The following C8orf34 variants were observed in gnomAD, a reference collection of about 807,000 sequenced individuals.
The protein encoded by C8orf34 is chromosome 8 open reading frame 34, also known as uncharacterized protein C8orf34.
Under a neutral mutation model 68.3 loss-of-function variants are expected in C8orf34, and 65 were observed. The ratio of observed to expected loss-of-function variants is 0.95; its 90% CI spans 0.78 to 1.17. C8orf34 has a LOEUF of 1.17. Ranked by LOEUF, C8orf34 falls within the 50% of genes most tolerant of loss-of-function variation. The pLI is 0.00. For synonymous variants in C8orf34, 244 were observed against 241.2 expected (o/e 1.01, Z -0.11); for missense variants, 664 against 655.4 (o/e 1.01, Z -0.14).
intron 1 of C8orf34, among the ~76,000 whole-genome samples, chr8:68,398,157 T>C (rs1044225922): frequency 2.0e-5 from 3 of 152,150 alleles, no homozygotes; most frequent in Non-Finnish European, 4.4e-5. Flanking sequence ...AAAATATACA[T>C]AACACAAGTA....
At chr8:68,767,857 G>A (rs532216573) in intron 10 of C8orf34, among the ~76,000 whole-genome samples, 2 of 152,312 alleles carry the variant, frequency 1.3e-5, no homozygotes, top group East Asian at 3.9e-4. Context: ...TTAGCAGCCA[G>A]TGATACTAAA....
chr8:68,398,777 T>C (rs769640682), intron 1 of C8orf34, among the ~76,000 whole-genome samples: 2 of 152,210 alleles, frequency 1.3e-5, no homozygotes, highest in Non-Finnish European at 2.9e-5. Flanking sequence ...ATATTCATGC[T>C]ATATTTGGAT....
intron 11 of C8orf34, among the ~76,000 whole-genome samples, chr8:68,779,248 G>A (rs892301361): frequency 1.3e-5 from 2 of 150,776 alleles, no homozygotes; most frequent in Non-Finnish European, 3.0e-5. Flanking sequence ...ACGAATAACT[G>A]GGAAGCAGCG....
chr8:68,657,038 T>C (rs1819528987), intron 8 of C8orf34, among the ~76,000 whole-genome samples: 1 of 152,204 alleles, frequency 6.6e-6, no homozygotes, highest in Admixed American at 6.5e-5. Context: ...CCCTGAACCC[T>C]AGGTAAATTG....
At chr8:68,656,119 T>C (rs1034801048) in intron 8 of C8orf34, among the ~76,000 whole-genome samples, 3 of 152,146 alleles carry the variant, frequency 2.0e-5, no homozygotes, top group Non-Finnish European at 4.4e-5. Context: ...CTACCAGAAA[T>C]CAGGTATTGC....
intron 10 of C8orf34, among the ~76,000 whole-genome samples, chr8:68,730,514 T>G (rs1436569809): frequency 6.6e-6 from 1 of 152,162 alleles, no homozygotes; most frequent in Non-Finnish European, 1.5e-5. Flanking sequence ...TGAAAATATT[T>G]GCCCAGACCT....
chr8:68,552,082 A>T (rs1816092726), intron 7 of C8orf34, among the ~76,000 whole-genome samples: 2 of 152,132 alleles, frequency 1.3e-5, no homozygotes, highest in South Asian at 4.1e-4. Flanking sequence ...TATTCCAGTG[A>T]CGTACATGTC....
chr8:68,423,177 C>T (rs1413389168), intron 1 of C8orf34, among the ~76,000 whole-genome samples: 1 of 152,114 alleles, frequency 6.6e-6, no homozygotes, highest in Non-Finnish European at 1.5e-5. Context: ...AATTTTTCCC[C>T]AGAAAATGAG....
At chr8:68,708,087 G>A (rs1821223018) in intron 8 of C8orf34, among the ~76,000 whole-genome samples, 1 of 152,014 alleles carries the variant, frequency 6.6e-6, no homozygotes, top group Non-Finnish European at 1.5e-5. Flanking sequence ...AATGTTACAA[G>A]TTTCAGGAAA....
At chr8:68,815,968 A>G in intron 13 of C8orf34, 23 bp downstream of exon 13, 2 of 1,613,594 alleles carry the variant, frequency 1.2e-6, no homozygotes, top group Non-Finnish European at 1.7e-6. Flanking sequence ...AGGGCACTTA[A>G]TATCGATGTC....
intron 1 of C8orf34, among the ~76,000 whole-genome samples, chr8:68,428,508 T>G (rs1317176104): frequency 3.3e-5 from 5 of 152,094 alleles, no homozygotes; most frequent in Non-Finnish European, 5.9e-5. Flanking sequence ...GTAAATGAAG[T>G]GTTAGTCTAT....
chr8:68,501,725 G>A (rs868145589), intron 5 of C8orf34, among the ~76,000 whole-genome samples: 3 of 152,096 alleles, frequency 2.0e-5, no homozygotes, highest in Non-Finnish European at 4.4e-5. Flanking sequence ...ACTCAAGATG[G>A]AGCTTTGTGA....
At chr8:68,483,216 T>C (rs1256112979) in intron 4 of C8orf34, among the ~76,000 whole-genome samples, 2 of 152,202 alleles carry the variant, frequency 1.3e-5, no homozygotes, top group Admixed American at 1.3e-4. Context: ...AGGAGGCAAC[T>C]CAAATATGAG....
intron 10 of C8orf34, among the ~76,000 whole-genome samples, chr8:68,774,331 G>GTATATATATATATATA (rs550713780): frequency 9.2e-6 from 1 of 108,938 alleles, no homozygotes; most frequent in Non-Finnish European, 1.9e-5. Flanking sequence ...GGGTGTGTGT[G>GTATATATATATATATA]TATATATATA....
At chr8:68,726,632 G>T (rs1368922981) in intron 10 of C8orf34, among the ~76,000 whole-genome samples, 1 of 152,088 alleles carries the variant, frequency 6.6e-6, no homozygotes, top group Admixed American at 6.5e-5. Flanking sequence ...CATATCCAAG[G>T]CTGGGAAGAA....
chr8:68,669,267 T>A (rs1387796177), intron 8 of C8orf34, among the ~76,000 whole-genome samples: 1 of 152,090 alleles, frequency 6.6e-6, no homozygotes, highest in African/African-American at 2.4e-5. Context: ...GTGATGTATG[T>A]TGGAGGGGAG....
intron 5 of C8orf34, among the ~76,000 whole-genome samples, chr8:68,503,075 G>A (rs1813848148): frequency 6.6e-6 from 1 of 152,126 alleles, no homozygotes; most frequent in East Asian, 1.9e-4. Flanking sequence ...AAAAATGGAA[G>A]CAGAGGAATA....
intron 3 of C8orf34, among the ~76,000 whole-genome samples, chr8:68,464,056 C>T (rs1227366246): frequency 6.6e-6 from 1 of 151,870 alleles, no homozygotes; most frequent in Non-Finnish European, 1.5e-5. Context: ...TTGTCTCAGC[C>T]CAAAATCTCC....
intron 7 of C8orf34, among the ~76,000 whole-genome samples, chr8:68,617,176 G>T (rs1442191990): frequency 6.6e-6 from 1 of 152,076 alleles, no homozygotes; most frequent in Admixed American, 6.6e-5. Flanking sequence ...TTGAGCCTAT[G>T]TGTGTCTCTG....
Sources: gnomAD v4.1 joint callset for allele counts (sites outside exome capture counted in the v4.1 genomes callset) on GRCh38, gnomAD v4.1.1 for gene constraint, MANE v1.5 for transcripts, NCBI Gene and HGNC (gene_info 2026-07-23, HGNC 2026-07-21) for gene names.